GLDC: variants seen among roughly 807,000 people sequenced by gnomAD.
The protein encoded by GLDC is glycine decarboxylase.
A neutral mutation model predicts 121.3 loss-of-function variants in GLDC; 104 were observed. The observed-to-expected ratio is 0.86, with a 90% CI of 0.73 to 1.01. The LOEUF (loss-of-function observed/expected upper bound fraction) is 1.01, where lower values mean the gene tolerates loss of function less well. Ranked by LOEUF, GLDC falls within the 50% of genes least tolerant of loss-of-function variation. The pLI is 0.00. For missense variants in GLDC, 1,429 were observed against 1,306.6 expected (o/e 1.09, Z -1.44); for synonymous variants, 546 against 480.6 (o/e 1.14, Z -1.78).
At chr9:6,610,858 C>A (rs1236103378) in intron 3 of GLDC, among the ~76,000 whole-genome samples, 1 of 152,186 alleles carries the variant, frequency 6.6e-6, no homozygotes, top group African/African-American at 2.4e-5. Flanking sequence ...CCTCGGCCTG[C>A]CAACATGCTG....
chr9:6,610,153 C>A, intron 4 of GLDC, 39 bp downstream of exon 4: 6 of 1,523,122 alleles, frequency 3.9e-6, no homozygotes, highest in Non-Finnish European at 5.4e-6. Context: ...GGCGAGGTGG[C>A]CCACAACTGG....
intron 16 of GLDC, among the ~76,000 whole-genome samples, chr9:6,561,128 A>G (rs1209721545): frequency 6.6e-6 from 1 of 152,214 alleles, no homozygotes; most frequent in Non-Finnish European, 1.5e-5. Flanking sequence ...CTCTGCAACT[A>G]TAAGAAAATT....
chr9:6,536,710 G>A (rs111820162), intron 22 of GLDC, among the ~76,000 whole-genome samples: 2,168 of 152,234 alleles, frequency 0.014, 44 homozygotes, highest in African/African-American at 0.049. Flanking sequence ...GTATTTTAGA[G>A]TCTTTCAGTA....
chr9:6,563,800 T>A (rs1272717952), intron 16 of GLDC, among the ~76,000 whole-genome samples: 2 of 152,156 alleles, frequency 1.3e-5, no homozygotes, highest in Admixed American at 1.3e-4. Context: ...TTTAATCATT[T>A]ATTCAATTCA....
chr9:6,542,546 C>T (rs1473372683), intron 21 of GLDC, among the ~76,000 whole-genome samples: 2 of 152,006 alleles, frequency 1.3e-5, no homozygotes, highest in Admixed American at 6.6e-5. Context: ...GCAAAACATG[C>T]TTTCTAACAA....
At chr9:6,553,301 A>G in intron 20 of GLDC, 67 bp downstream of exon 20, 1 of 1,395,794 alleles carries the variant, frequency 7.2e-7, no homozygotes, top group Non-Finnish European at 1.0e-6. Context: ...AGTCTGCAGT[A>G]TCCGGTCCCC....
chr9:6,627,874 G>T (rs1055873825), intron 2 of GLDC, among the ~76,000 whole-genome samples: 1 of 152,170 alleles, frequency 6.6e-6, no homozygotes, highest in Admixed American at 6.5e-5. Flanking sequence ...TTCACTGGTT[G>T]CCATTTCTCA....
At chr9:6,592,428 C>T (rs188343466) in intron 10 of GLDC, among the ~76,000 whole-genome samples, 2 of 152,236 alleles carry the variant, frequency 1.3e-5, no homozygotes, top group Non-Finnish European at 2.9e-5. Context: ...TTGCCAGCCA[C>T]CTCTGAACTC....
intron 2 of GLDC, among the ~76,000 whole-genome samples, chr9:6,629,958 T>TATA: frequency 0.018 from 1,386 of 78,656 alleles, 184 homozygotes; most frequent in African/African-American, 0.08. Flanking sequence ...TATATATATA[T>TATA]TTTTTTTTTT....
chr9:6,544,289 A>C (rs1817337464), intron 21 of GLDC, among the ~76,000 whole-genome samples: 1 of 152,108 alleles, frequency 6.6e-6, no homozygotes, highest in Non-Finnish European at 1.5e-5. Context: ...CTTGTGAGCC[A>C]AGGATGTGAG....
intron 15 of GLDC, chr9:6,567,182 C>T (rs1817871163): frequency 6.6e-6 from 1 of 152,080 alleles, no homozygotes; most frequent in Non-Finnish European, 1.5e-5. Context: ...TCTTACAAGA[C>T]CTGAGTCACC....
intron 2 of GLDC, among the ~76,000 whole-genome samples, chr9:6,634,193 C>T (rs568744946): frequency 6.6e-6 from 1 of 152,004 alleles, no homozygotes; most frequent in Non-Finnish European, 1.5e-5. Flanking sequence ...CACCACTGTA[C>T]TCCAGCCTGG....
At chr9:6,629,929 C>CTATATATATATATGTGTGTATATATA (rs60994714) in intron 2 of GLDC, among the ~76,000 whole-genome samples, 1 of 102,168 alleles carries the variant, frequency 9.8e-6, no homozygotes, top group East Asian at 2.6e-4. Flanking sequence ...TTGCTTTTCA[C>CTATATATATATATGTGTGTATATATA]TATATATATA....
intron 8 of GLDC, among the ~76,000 whole-genome samples, chr9:6,600,023 C>T (rs1818571715): frequency 1.3e-5 from 2 of 152,128 alleles, no homozygotes. Context: ...AGCACTCTAC[C>T]TCCCATTGAA....
chr9:6,578,630 C>G (rs1444118356), intron 15 of GLDC, among the ~76,000 whole-genome samples: 1 of 151,890 alleles, frequency 6.6e-6, no homozygotes, highest in Non-Finnish European at 1.5e-5. Flanking sequence ...GCCTCAACCT[C>G]CTGGACTCAA....
chr9:6,607,986 G>A (rs1021673314), intron 4 of GLDC, among the ~76,000 whole-genome samples: 1 of 152,168 alleles, frequency 6.6e-6, no homozygotes, highest in East Asian at 1.9e-4. Flanking sequence ...AGCTGGGCAT[G>A]GTGGCATGGG....
chr9:6,610,758 C>T (rs754931971), intron 3 of GLDC, among the ~76,000 whole-genome samples: 1 of 152,152 alleles, frequency 6.6e-6, no homozygotes, highest in Non-Finnish European at 1.5e-5. Context: ...TGCCATCACG[C>T]TCAGCTAATT....
At chr9:6,642,136 T>C (rs1046675018) in intron 2 of GLDC, among the ~76,000 whole-genome samples, 3 of 152,150 alleles carry the variant, frequency 2.0e-5, no homozygotes, top group Admixed American at 2.0e-4. Flanking sequence ...ACTGGTCCAT[T>C]TCAGGGAATG....
At chr9:6,544,571 G>A (rs569296728) in intron 21 of GLDC, among the ~76,000 whole-genome samples, 14 of 150,980 alleles carry the variant, frequency 9.3e-5, no homozygotes, top group Non-Finnish European at 1.8e-4. Flanking sequence ...CCGGGGAGGC[G>A]GGGGTTGCAG....
Sources: gnomAD v4.1 joint callset for allele counts (sites outside exome capture counted in the v4.1 genomes callset) on GRCh38, gnomAD v4.1.1 for gene constraint, MANE v1.5 for transcripts, NCBI Gene and HGNC (gene_info 2026-07-23, HGNC 2026-07-21) for gene names.